Variants in LATS2 observed in about 807,000 individuals in gnomAD.
LATS2 encodes large tumor suppressor kinase 2.
Under a neutral mutation model 76.0 loss-of-function variants are expected in LATS2, and 24 were observed. The ratio of observed to expected loss-of-function variants is 0.32; its 90% CI spans 0.23 to 0.44. The LOEUF is 0.44. Ranked by LOEUF, LATS2 falls within the 20% of genes least tolerant of loss-of-function variation. LATS2 has a pLI of 1.00. For missense variants in LATS2, 1,286 were observed against 1,481.2 expected (o/e 0.87, Z 2.16); for synonymous variants, 692 against 635.4 (o/e 1.09, Z -1.34).
Position 20,981,667 on chromosome 13 carries a change from G to C in LATS2, c.2483-19C>G. ...TGGCTCCCTTCACCCAGGAATCAGG[G>C]ATAGTGAAAGAAAAGAACAAAATAT... On this transcript the variant is annotated intron_variant, in intron 5 of 7. Transcript: ENST00000382592. 1 of 1,572,302 alleles carries C rather than the reference G, an allele frequency of 6.4e-7. No homozygotes were observed. Among genetic ancestry groups the C allele is most frequent in the Non-Finnish European group, 8.6e-7 (1 of 1,160,358 alleles).
rs71306170 is a variant in LATS2, at chr13:21,050,125, C to CAGACAGATAGATAGATAGAT, written c.-204-3896_-204-3895insATCTATCTATCTATCTGTCT. Among the ~76,000 whole-genome samples, 143 of 69,798 alleles carry CAGACAGATAGATAGATAGAT rather than the reference C, an allele frequency of 2.0e-3. 10 individuals are homozygous for CAGACAGATAGATAGATAGAT. The highest frequency in any genetic ancestry group is 7.5e-3 in the East Asian group (10 of 1,326). 45.8% of individuals were successfully genotyped at this position (69,798 alleles called of 152,430 possible). A position where few individuals can be genotyped will look rare whatever the true frequency, so the allele number is the denominator to read the frequency against. ...ACAGAGGGAGACTCTGTCTCATAGA[C>CAGACAGATAGATAGATAGAT]AGATAGATAGATAGATAGATAGATA... is the stretch of plus-strand genomic sequence containing the variant. On this transcript the variant is annotated intron_variant, in intron 1 of 7. Transcript: ENST00000382592.
Position 20,989,039 on chromosome 13 carries a change from C to G in LATS2, c.741G>C (p.Pro247=), listed in dbSNP as rs112123155. ...ASVEAAGAHF[P]LQGAHYGRPH... is the part of the protein sequence containing the mutation. ...GCCGCCCGTAGTGCGCGCCCTGCAGCGGGAAGTGTGCCCCTGCTGCCTCTA... is the reference window on the plus strand; with the variant it reads ...GCCGCCCGTAGTGCGCGCCCTGCAGGGGGAAGTGTGCCCCTGCTGCCTCTA... The change falls in exon 4 of 8, where the codon CCG becomes CCC. Residue 247 remains proline (P), a synonymous_variant. Coordinates refer to ENST00000382592, the MANE Select transcript of LATS2 (RefSeq NM_014572.3). 4.5e-6 allele frequency: 7 copies of G among 1,567,868 alleles called. No homozygotes were observed. Among genetic ancestry groups the G allele is most frequent in the Non-Finnish European group, 5.2e-6 (6 of 1,162,948 alleles).
chr13:21,049,059 G>A (rs903662202), intron 1 of LATS2, among the ~76,000 whole-genome samples: 8 of 152,110 alleles, frequency 5.3e-5, no homozygotes, highest in African/African-American at 1.9e-4. Context: ...AGGAGGAATG[G>A]AATTCCAGCT....
intron 2 of LATS2, among the ~76,000 whole-genome samples, chr13:21,001,865 T>C (rs564631168): frequency 7.3e-5 from 11 of 150,062 alleles, no homozygotes; most frequent in African/African-American, 2.4e-4. Flanking sequence ...GGCGACAGAG[T>C]GAGACTCCGT....
chr13:20,981,970 C>CT (rs1595210948), intron 5 of LATS2, among the ~76,000 whole-genome samples: 1 of 152,212 alleles, frequency 6.6e-6, no homozygotes, highest in Admixed American at 6.5e-5. Context: ...GACAGCACTC[C>CT]TAGCGCTTAG....
intron 2 of LATS2, among the ~76,000 whole-genome samples, chr13:21,007,573 A>ATATATATATATAG (rs1871333144): frequency 5.2e-5 from 1 of 19,096 alleles, no homozygotes; most frequent in Non-Finnish European, 7.0e-5. Context: ...ATATATATAT[A>ATATATATATATAG]TATATATATA....
Position 20,983,597 on chromosome 13 carries a change from A to G in LATS2, c.2109T>C (p.Asp703=), listed in dbSNP as rs1375227690. The change falls in exon 5 of 8, where the codon GAT becomes GAC. Residue 703 remains aspartate, a synonymous_variant. Coordinates refer to ENST00000382592, the MANE Select transcript of LATS2 (RefSeq NM_014572.3). The stretch of plus-strand genomic sequence containing the variant: ...GGGCCACCTGATTCCGGTTCAGGAC[A>G]TCCTTTTTCCTTAGGGTCTTCATGG... The part of the protein sequence containing the change: ...LYAMKTLRKK[D]VLNRNQVAHV... 1 of 1,614,076 alleles carries G rather than the reference A, an allele frequency of 6.2e-7. No homozygotes were observed. Among genetic ancestry groups the G allele is most frequent in the Non-Finnish European group, 8.5e-7 (1 of 1,180,002 alleles).
chr13:20,995,165 T>C (rs1870697070), intron 2 of LATS2, among the ~76,000 whole-genome samples: 1 of 152,204 alleles, frequency 6.6e-6, no homozygotes, highest in Non-Finnish European at 1.5e-5. Context: ...ACTTAAGGGT[T>C]AGCTGTTACA....
intron 2 of LATS2, among the ~76,000 whole-genome samples, chr13:21,018,722 C>T (rs1254989782): frequency 2.6e-5 from 4 of 152,068 alleles, no homozygotes; most frequent in Non-Finnish European, 4.4e-5. Flanking sequence ...GGCTCGATCA[C>T]GGCTGACTGC....
chr13:21,001,328 C>T (rs1871032546), intron 2 of LATS2, among the ~76,000 whole-genome samples: 1 of 152,194 alleles, frequency 6.6e-6, no homozygotes, highest in Admixed American at 6.5e-5. Flanking sequence ...TCATGTGTAA[C>T]AGTGCTACCA....
intron 2 of LATS2, among the ~76,000 whole-genome samples, chr13:21,023,679 AAAAACAAAC>A (rs1565957704): frequency 1.6e-4 from 1 of 6,124 alleles, no homozygotes; most frequent in Non-Finnish European, 7.5e-4. Context: ...AAAAAAAAAA[AAAAACAAAC>A]CTCGGCCGGG....
At chr13:21,026,268 ACTCC>A (rs1294018711) in intron 2 of LATS2, among the ~76,000 whole-genome samples, 1 of 151,492 alleles carries the variant, frequency 6.6e-6, no homozygotes, top group Non-Finnish European at 1.5e-5. Context: ...CCTTTATAGT[ACTCC>A]CTCCCTCCAC....
At chr13:21,057,088 G>A (rs1279122805) in intron 1 of LATS2, among the ~76,000 whole-genome samples, 1 of 152,146 alleles carries the variant, frequency 6.6e-6, no homozygotes, top group Non-Finnish European at 1.5e-5. Flanking sequence ...CAAGATAACT[G>A]CCTAGAGGCA....
chr13:21,054,870 T>C (rs942668059), intron 1 of LATS2, among the ~76,000 whole-genome samples: 1 of 152,214 alleles, frequency 6.6e-6, no homozygotes, highest in Non-Finnish European at 1.5e-5. Context: ...TGGTTTTGTT[T>C]GGTACGGAGG....
intron 6 of LATS2, among the ~76,000 whole-genome samples, chr13:20,980,694 G>A (rs1487222716): frequency 6.6e-6 from 1 of 152,198 alleles, no homozygotes; most frequent in Non-Finnish European, 1.5e-5. Flanking sequence ...TCTCAAGGTC[G>A]TTATTGCTAT....
intron 2 of LATS2, among the ~76,000 whole-genome samples, chr13:21,007,628 A>ATATATATATATAGTG (rs1219349313): frequency 5.0e-3 from 2 of 404 alleles, no homozygotes; most frequent in Non-Finnish European, 0.014. Flanking sequence ...TATAGTGTAT[A>ATATATATATATAGTG]TATATATATA....
intron 2 of LATS2, among the ~76,000 whole-genome samples, chr13:21,020,909 T>G (rs1388772432): frequency 6.6e-6 from 1 of 152,202 alleles, no homozygotes; most frequent in African/African-American, 2.4e-5. Flanking sequence ...GACACACTCT[T>G]AGCCTTCTCT....
chr13:21,044,498 A>G (rs1872991598), intron 2 of LATS2, among the ~76,000 whole-genome samples: 1 of 152,206 alleles, frequency 6.6e-6, no homozygotes, highest in African/African-American at 2.4e-5. Context: ...AAGATGACAG[A>G]TTGTAATAAA....
intron 2 of LATS2, among the ~76,000 whole-genome samples, chr13:20,996,503 G>A (rs1391605678): frequency 6.6e-6 from 1 of 150,912 alleles, no homozygotes; most frequent in African/African-American, 2.4e-5. Flanking sequence ...TCAGCTTCCC[G>A]AATAGCTGGG....
Sources: gnomAD v4.1 joint callset for allele counts (sites outside exome capture counted in the v4.1 genomes callset) on GRCh38, gnomAD v4.1.1 for gene constraint, MANE v1.5 for transcripts, NCBI Gene and HGNC (gene_info 2026-07-23, HGNC 2026-07-21) for gene names.